The following APBA3 variants were observed in gnomAD, a reference collection of about 807,000 sequenced individuals.
The protein encoded by APBA3 is amyloid-beta A4 precursor protein-binding family A member 3.
Under a neutral mutation model 55.9 loss-of-function variants are expected in APBA3, and 45 were observed. The observed-to-expected ratio is 0.80, with a 90% CI of 0.63 to 1.03. The LOEUF is 1.03. Ranked by LOEUF, APBA3 falls within the 50% of genes least tolerant of loss-of-function variation. The pLI is 0.00. For synonymous variants in APBA3, 370 were observed against 353.3 expected (o/e 1.05, Z -0.53); for missense variants, 865 against 820.3 (o/e 1.05, Z -0.67).
Position 3,752,839 on chromosome 19 carries a change from T to A in APBA3, c.1163A>T (p.Asn388Ile). ...ACTCACCTCCCGGCAGTTGTCACTG[T>A]TGGAGAAGTGGTCCAGGTCCCCATT... is the stretch of plus-strand genomic sequence containing the variant. The part of the protein sequence containing the change: ...LHNGDLDHFS[N>I]SDNCREVHLE... Residue 388 changes from asparagine to isoleucine, a missense_variant, in exon 7 of 11, where the codon AAC becomes ATC. Transcript: ENST00000316757. 6.2e-7 allele frequency: 1 copy of A among 1,613,278 alleles called. No homozygotes were observed. Among genetic ancestry groups the A allele is most frequent in the East Asian group, 2.2e-5 (1 of 44,860 alleles).
rs773406615 is a variant in APBA3, at chr19:3,753,903, C to T, written c.873G>A (p.Leu291=). 5 of 1,556,338 alleles carry T rather than the reference C, an allele frequency of 3.2e-6. No homozygotes were observed. The South Asian group carries it at 5.9e-5, about 18-fold the overall frequency. The part of the protein sequence containing the change: ...DSQEAMMDHA[L]HTISYTADIG... Reference sequence around the variant, plus strand: ...TGTCGGCTGTGTAGGAGATGGTATGCAGGGCGTGGTCCATCATGGCCTCCT... The same window carrying T: ...TGTCGGCTGTGTAGGAGATGGTATGTAGGGCGTGGTCCATCATGGCCTCCT... Residue 291 remains leucine (L), a synonymous_variant, in exon 6 of 11, where the codon CTG becomes CTA. Transcript: ENST00000316757.
At chr19:3,754,414 C>A in intron 3 of APBA3, 74 bp from the exon 4 acceptor site, 1 of 1,499,516 alleles carries the variant, frequency 6.7e-7, no homozygotes, top group South Asian at 1.3e-5. Context: ...CTACGCTCTC[C>A]GAGATGGCCG....
At chr19:3,754,541 C>G in intron 3 of APBA3, 1 of 628,506 alleles carries the variant, frequency 1.6e-6, no homozygotes, top group Non-Finnish European at 2.6e-6. Flanking sequence ...CTGTCCATCC[C>G]TCAAGGACTC....
In APBA3 at chr19:3,759,768, C is replaced by T; in HGVS notation, c.497G>A (p.Arg166Lys). 2 of 1,612,722 alleles carry T rather than the reference C, an allele frequency of 1.2e-6. No homozygotes were observed. Among genetic ancestry groups the T allele is most frequent in the Non-Finnish European group, 1.7e-6 (2 of 1,179,850 alleles). ...EGASAEQEGS[R>K]SSSSSPEPWL... Reference sequence around the variant, plus strand: ...GGGTTCCGGGGAACTGCTTGAGCTCCTGCTGCCCTCCTGCTCAGCAGAGGC... The same window carrying T: ...GGGTTCCGGGGAACTGCTTGAGCTCTTGCTGCCCTCCTGCTCAGCAGAGGC... The change falls in exon 2 of 11, where the codon AGG becomes AAG. Residue 166 changes from arginine (R) to lysine (K), a missense_variant. Coordinates refer to ENST00000316757, the MANE Select transcript of APBA3 (RefSeq NM_004886.4).
intron 9 of APBA3, 32 bp downstream of exon 9, chr19:3,751,402 C>T (rs781525398): frequency 1.3e-6 from 2 of 1,515,558 alleles, no homozygotes; most frequent in East Asian, 4.9e-5. Flanking sequence ...CGCCCTACCC[C>T]CCCACCCCGG....
At chr19:3,756,247 G>C (rs1032656130) in intron 3 of APBA3, 1 of 152,190 alleles carries the variant, frequency 6.6e-6, no homozygotes, top group African/African-American at 2.4e-5. Context: ...GGGAGGCAGA[G>C]GCGGGCGGAT....
At chr19:3,759,527 C>T (rs934896335) in intron 3 of APBA3, 34 bp downstream of exon 3, 3 of 1,576,858 alleles carry the variant, frequency 1.9e-6, no homozygotes, top group Non-Finnish European at 2.6e-6. Flanking sequence ...TAGGGGCCTT[C>T]AGTGCCTGAG....
chr19:3,751,025 G>T lies in APBA3; in HGVS notation c.*1C>A. ...ACAGTGGCAGGCAAGGGATGAGGTGGTCACAGGTACACGGGCTGCTCCTGG... is the reference window on the plus strand; with the variant it reads ...ACAGTGGCAGGCAAGGGATGAGGTGTTCACAGGTACACGGGCTGCTCCTGG... On this transcript the variant is annotated 3_prime_UTR_variant, in exon 11 of 11. Coordinates refer to ENST00000316757, the MANE Select transcript of APBA3 (RefSeq NM_004886.4). The T allele has an allele frequency of 6.4e-7, 1 of 1,558,090 alleles. No individual in the cohort carries two copies.
At chr19:3,760,455 A>G (rs1243414361) in intron 1 of APBA3, among the ~76,000 whole-genome samples, 154 bp from the exon 2 acceptor site, 1 of 152,200 alleles carries the variant, frequency 6.6e-6, no homozygotes, top group African/African-American at 2.4e-5. Flanking sequence ...TACAAAAAAT[A>G]CAAAAAATTA....
At chr19:3,752,010 G>A in intron 8 of APBA3, 1 of 196,186 alleles carries the variant, frequency 5.1e-6, no homozygotes, top group Non-Finnish European at 1.0e-5. Context: ...AGGAGCTCAA[G>A]ACCAGCCTGG....
chr19:3,760,181 C>G lies in APBA3; in HGVS notation c.84G>C (p.Ser28=). 6.2e-7 allele frequency: 1 copy of G among 1,613,082 alleles called. No homozygotes were observed. Among genetic ancestry groups the G allele is most frequent in the Non-Finnish European group, 8.5e-7 (1 of 1,180,004 alleles). Residue 28 remains serine, a synonymous_variant, in exon 2 of 11, where the codon TCG becomes TCC. Coordinates refer to ENST00000316757, the MANE Select transcript of APBA3 (RefSeq NM_004886.4). ...ACTGGCTGTCAGGGGTGAGGTCCTC[C>G]GAAGGCACAAGAATGTCCCTGGGCC... is the stretch of plus-strand genomic sequence containing the variant. The part of the protein sequence containing the change: ...LEGPRDILVP[S]EDLTPDSQWD...
chr19:3,759,458 G>A (rs986198738), intron 3 of APBA3, 103 bp downstream of exon 3: 20 of 1,215,334 alleles, frequency 1.6e-5, no homozygotes, highest in Admixed American at 1.3e-4. Flanking sequence ...AGAGGCTCCC[G>A]AGAACCTCGT....
chr19:3,759,303 G>A (rs574820250), intron 3 of APBA3, among the ~76,000 whole-genome samples: 5 of 152,176 alleles, frequency 3.3e-5, no homozygotes, highest in Admixed American at 2.0e-4. Flanking sequence ...GGTCTGGCCC[G>A]ACGACGATGA....
In APBA3 at chr19:3,752,655, G is replaced by A; in HGVS notation, c.1248C>T (p.Ser416=). 6.3e-7 allele frequency: 1 copy of A among 1,590,478 alleles called. No homozygotes were observed. The highest frequency in any genetic ancestry group is 8.5e-7 in the Non-Finnish European group (1 of 1,174,192). Residue 416 remains serine, a synonymous_variant, in exon 8 of 11, where the codon TCC becomes TCT. Coordinates refer to ENST00000316757, the MANE Select transcript of APBA3 (RefSeq NM_004886.4). The part of the protein sequence containing the change: ...GVALVESGWG[S]LLPTAVIANL... The stretch of plus-strand genomic sequence containing the variant: ...TGGCGATGACGGCTGTGGGCAGCAG[G>A]GAGCCCCAGCCCGACTCCACCAGGG...
rs2036985608 is a variant in APBA3, at chr19:3,750,800, G to A, written c.*226C>T. The A allele has an allele frequency of 9.5e-7, 1 of 1,050,150 alleles. No homozygotes were observed. The highest frequency in any genetic ancestry group is 1.4e-6 in the Non-Finnish European group (1 of 706,070). 65.1% of individuals were successfully genotyped at this position (1,050,150 alleles called of 1,614,324 possible). The stretch of plus-strand genomic sequence containing the variant: ...CTCCGCCTGGTCTTTAATAAACAGA[G>A]TATTTTCACAGCACCGGCTTCTAGT... On this transcript the variant is annotated 3_prime_UTR_variant, in exon 11 of 11. Coordinates refer to ENST00000316757, the MANE Select transcript of APBA3 (RefSeq NM_004886.4).
chr19:3,755,562 G>GGGC (rs374466415), intron 3 of APBA3: 15,481 of 134,298 alleles, frequency 0.12, 2,306 homozygotes, highest in South Asian at 0.27. Flanking sequence ...AGGAGGCCGG[G>GGGC]GGGGGGGGGT....
intron 3 of APBA3, chr19:3,754,719 C>T (rs2037055400): frequency 5.3e-6 from 1 of 188,210 alleles, no homozygotes; most frequent in South Asian, 1.1e-4. Context: ...CAGGCTGGAG[C>T]TCGGTGGTGT....
At chr19:3,760,380 C>T in intron 1 of APBA3, 79 bp from the exon 2 acceptor site, 2 of 928,008 alleles carry the variant, frequency 2.2e-6, no homozygotes, top group Non-Finnish European at 3.1e-6. Context: ...TTTGGGAGGC[C>T]CAGAAGGGCT....
chr19:3,754,202 CG>C lies in APBA3; in HGVS notation c.754del (p.Arg252AlafsTer12). The C allele has an allele frequency of 6.5e-7, 1 of 1,540,258 alleles. No individual in the cohort carries two copies. The highest frequency in any genetic ancestry group is 8.8e-7 in the Non-Finnish European group (1 of 1,142,096). ...CCCCGGCCGCCCCCTCACCTTGACG[CG>C]GTCCATGGCCTCCCGGGCCTGGGCC... ...RMAQAREAMD[R>X]VKAPDGETQP... On this transcript the variant is annotated frameshift_variant, in exon 4 of 11. Transcript: ENST00000316757. LOFTEE classifies it high-confidence loss of function.
Sources: allele counts gnomAD v4.1 joint callset (sites outside exome capture counted in the v4.1 genomes callset), GRCh38; gene constraint gnomAD v4.1.1; transcripts MANE v1.5; gene names NCBI Gene and HGNC (gene_info 2026-07-23, HGNC 2026-07-21).